QTMAN: variants seen among roughly 807,000 people sequenced by gnomAD.
QTMAN encodes the protein queuosine-tRNA mannosyltransferase, also known as tRNA-queuosine alpha-mannosyltransferase.
the QTMAN span, among the ~76,000 whole-genome samples, chr2:144,212,456 C>T: frequency 6.6e-6 from 1 of 151,996 alleles, no homozygotes; most frequent in African/African-American, 2.4e-5. Context: ...GAGCAAAACT[C>T]CATCTCAAAA....
chr2:144,225,912 G>A, the QTMAN span, among the ~76,000 whole-genome samples: 1 of 152,118 alleles, frequency 6.6e-6, no homozygotes, highest in Non-Finnish European at 1.5e-5. Flanking sequence ...CAAAGTTTAT[G>A]TACAATTCAT....
the QTMAN span, among the ~76,000 whole-genome samples, chr2:144,212,308 C>T: frequency 1.4e-3 from 209 of 152,042 alleles, no homozygotes; most frequent in African/African-American, 4.8e-3. Flanking sequence ...ATGAAAAATA[C>T]AAAATTAGCC....
At chr2:144,061,242 ACTCTC>A in the QTMAN span, among the ~76,000 whole-genome samples, 2 of 151,998 alleles carry the variant, frequency 1.3e-5, no homozygotes, top group African/African-American at 4.8e-5. Flanking sequence ...TTGTCCAGGA[ACTCTC>A]CTCTCCTCTT....
chr2:144,126,040 T>C, the QTMAN span, among the ~76,000 whole-genome samples: 1 of 152,034 alleles, frequency 6.6e-6, no homozygotes, highest in Non-Finnish European at 1.5e-5. Flanking sequence ...CATTTTCTTA[T>C]TTTTCATCAG....
the QTMAN span, among the ~76,000 whole-genome samples, chr2:144,239,981 ATAGCAG>A: frequency 1.3e-5 from 2 of 152,272 alleles, no homozygotes; most frequent in Non-Finnish European, 2.9e-5. Flanking sequence ...CTAGTAGTAT[ATAGCAG>A]TTGCTCACCG....
chr2:144,234,488 C>A, the QTMAN span, among the ~76,000 whole-genome samples: 1 of 152,124 alleles, frequency 6.6e-6, no homozygotes, highest in Non-Finnish European at 1.5e-5. Context: ...AGATCCCATG[C>A]TGGCATATTT....
At chr2:144,111,770 C>A in the QTMAN span, among the ~76,000 whole-genome samples, 1 of 152,162 alleles carries the variant, frequency 6.6e-6, no homozygotes, top group South Asian at 2.1e-4. Context: ...TGGATCCCTG[C>A]TATATAATAC....
At chr2:144,046,391 T>C in the QTMAN span, among the ~76,000 whole-genome samples, 1 of 152,216 alleles carries the variant, frequency 6.6e-6, no homozygotes, top group African/African-American at 2.4e-5. Context: ...ATCCACTATT[T>C]TGTTTTTGTT....
At chr2:143,984,540 A>G in the QTMAN span, among the ~76,000 whole-genome samples, 1 of 152,204 alleles carries the variant, frequency 6.6e-6, no homozygotes, top group Non-Finnish European at 1.5e-5. Context: ...AATACTGGGT[A>G]GAATAGGATG....
chr2:144,306,710 C>T, the QTMAN span, among the ~76,000 whole-genome samples: 6 of 152,010 alleles, frequency 3.9e-5, no homozygotes, highest in Non-Finnish European at 7.4e-5. Context: ...AAATCAACAA[C>T]GCAATTAAGC....
the QTMAN span, among the ~76,000 whole-genome samples, chr2:144,136,085 G>C: frequency 6.6e-6 from 1 of 152,010 alleles, no homozygotes; most frequent in Admixed American, 6.6e-5. Flanking sequence ...CAGCACTTTG[G>C]GAGGTCAAGG....
At chr2:144,319,311 A>G in the QTMAN span, among the ~76,000 whole-genome samples, 1 of 152,158 alleles carries the variant, frequency 6.6e-6, no homozygotes, top group African/African-American at 2.4e-5. Flanking sequence ...AAACACTTCC[A>G]CATGAAAATC....
chr2:144,260,171 T>TA, the QTMAN span, among the ~76,000 whole-genome samples: 5 of 152,132 alleles, frequency 3.3e-5, no homozygotes, highest in Admixed American at 6.5e-5. Context: ...TTCCTTATTG[T>TA]AAAAAAATCA....
At chr2:144,138,193 A>G in the QTMAN span, among the ~76,000 whole-genome samples, 1 of 152,100 alleles carries the variant, frequency 6.6e-6, no homozygotes, top group African/African-American at 2.4e-5. Context: ...AGAATGTGTC[A>G]TGGTGTGTCA....
At chr2:144,133,246 AATATATATAAAT>A in the QTMAN span, among the ~76,000 whole-genome samples, 1 of 27,022 alleles carries the variant, frequency 3.7e-5, no homozygotes, top group African/African-American at 2.1e-4. Context: ...TTTATATATA[AATATATATAAAT>A]ATATATAAAT....
the QTMAN span, among the ~76,000 whole-genome samples, chr2:144,181,320 C>T: frequency 2.6e-5 from 4 of 152,246 alleles, no homozygotes; most frequent in Non-Finnish European, 5.9e-5. Context: ...GTGTTCCTTT[C>T]CCCCACGGGA....
At chr2:144,133,361 T>C in the QTMAN span, among the ~76,000 whole-genome samples, 1 of 53,124 alleles carries the variant, frequency 1.9e-5, no homozygotes, top group African/African-American at 8.4e-5. Flanking sequence ...TGTATATATA[T>C]AATATAATAT....
At chr2:144,009,486 C>G in the QTMAN span, among the ~76,000 whole-genome samples, 7,490 of 152,124 alleles carry the variant, frequency 0.049, 295 homozygotes, top group African/African-American at 0.11. Context: ...ATTCCAGAAC[C>G]AGAAAGCTTG....
chr2:144,257,002 G>A, the QTMAN span, among the ~76,000 whole-genome samples: 1 of 149,614 alleles, frequency 6.7e-6, no homozygotes, highest in South Asian at 2.1e-4. Flanking sequence ...TTACTACTAT[G>A]TTCTTAAGAA....
Sources: gnomAD v4.1 joint callset for allele counts (sites outside exome capture counted in the v4.1 genomes callset) on GRCh38, gnomAD v4.1.1 for gene constraint, MANE v1.5 for transcripts, NCBI Gene and HGNC (gene_info 2026-07-23, HGNC 2026-07-21) for gene names.